ZNF804B: variants seen among roughly 807,000 people sequenced by gnomAD.
The protein encoded by ZNF804B is zinc finger 804B.
In ZNF804B, 80 loss-of-function variants were observed where a neutral mutation model predicts 101.4. The ratio of observed to expected loss-of-function variants is 0.79; its 90% confidence interval spans 0.66 to 0.95. ZNF804B has a LOEUF of 0.95. Ranked by LOEUF, ZNF804B falls within the 40% of genes least tolerant of loss-of-function variation. ZNF804B has a pLI of 0.00. For synonymous variants in ZNF804B, 622 were observed against 558.8 expected (o/e 1.11, Z -1.59); for missense variants, 1,673 against 1,561.9 (o/e 1.07, Z -1.20).
chr7:88,994,735 C>T lies in ZNF804B; in HGVS notation c.109-223420C>T, dbSNP rs1486580629. Among the ~76,000 whole-genome samples the T allele has an allele frequency of 2.6e-5, 4 of 152,026 alleles. No homozygotes were observed. In the East Asian group the frequency reaches 7.7e-4, roughly 29 times the overall value. On this transcript the variant is annotated intron_variant, in intron 1 of 3. Coordinates refer to ENST00000333190, the MANE Select transcript of ZNF804B (RefSeq NM_181646.5). ...TCATAGATTTGATGCTACAGTTTCT[C>T]AACAACATACATTAAATTGGAGTTT...
chr7:88,977,508 C>A (rs1471418227), intron 1 of ZNF804B, among the ~76,000 whole-genome samples: 3 of 151,674 alleles, frequency 2.0e-5, no homozygotes, highest in African/African-American at 4.8e-5. Context: ...TCCATTTCTT[C>A]TAGCTTACTC....
chr7:89,135,081 T>C (rs1790610332), intron 1 of ZNF804B, among the ~76,000 whole-genome samples: 1 of 152,112 alleles, frequency 6.6e-6, no homozygotes, highest in Non-Finnish European at 1.5e-5. Context: ...AAAATATTCG[T>C]TGTATTTGGT....
intron 1 of ZNF804B, among the ~76,000 whole-genome samples, chr7:89,009,525 GTCC>G (rs1788421418): frequency 6.6e-6 from 1 of 152,124 alleles, no homozygotes; most frequent in Non-Finnish European, 1.5e-5. Flanking sequence ...ATGTTTATGT[GTCC>G]CCTCAAGTTC....
At chr7:89,191,830 A>C (rs1421197688) in intron 1 of ZNF804B, among the ~76,000 whole-genome samples, 1 of 152,146 alleles carries the variant, frequency 6.6e-6, no homozygotes, top group Non-Finnish European at 1.5e-5. Flanking sequence ...AAAGTGTGAT[A>C]GGTGGCAGAG....
At chr7:89,200,501 G>A (rs140144314) in intron 1 of ZNF804B, among the ~76,000 whole-genome samples, 2 of 152,074 alleles carry the variant, frequency 1.3e-5, no homozygotes, top group East Asian at 3.9e-4. Context: ...TTACCAAGGA[G>A]CACTGATGAT....
chr7:88,843,291 C>T (rs929154507), intron 1 of ZNF804B, among the ~76,000 whole-genome samples: 7 of 152,072 alleles, frequency 4.6e-5, no homozygotes, highest in Non-Finnish European at 1.0e-4. Flanking sequence ...TTAATATTCT[C>T]ATTTTATACA....
chr7:88,840,153 G>T (rs1791274567), intron 1 of ZNF804B, among the ~76,000 whole-genome samples: 1 of 152,100 alleles, frequency 6.6e-6, no homozygotes, highest in Admixed American at 6.6e-5. Flanking sequence ...CAAAGTTCTG[G>T]CACAGAGGCA....
intron 1 of ZNF804B, among the ~76,000 whole-genome samples, chr7:89,211,520 C>G (rs1283621785): frequency 3.9e-5 from 6 of 152,032 alleles, no homozygotes; most frequent in Admixed American, 2.6e-4. Context: ...AGTCCTTAAT[C>G]CATATTGAGT....
At chr7:89,312,026 T>A (rs1294495696) in intron 2 of ZNF804B, among the ~76,000 whole-genome samples, 1 of 152,146 alleles carries the variant, frequency 6.6e-6, no homozygotes, top group Non-Finnish European at 1.5e-5. Context: ...GAGCTACCCA[T>A]TTGCCATTTA....
chr7:89,207,225 A>G (rs1788727398), intron 1 of ZNF804B, among the ~76,000 whole-genome samples: 1 of 152,208 alleles, frequency 6.6e-6, no homozygotes, highest in Non-Finnish European at 1.5e-5. Flanking sequence ...TTAGTCTGCT[A>G]TCATGCTGCT....
chr7:89,088,190 T>A (rs1318127589), intron 1 of ZNF804B, among the ~76,000 whole-genome samples: 1 of 152,016 alleles, frequency 6.6e-6, no homozygotes, highest in Non-Finnish European at 1.5e-5. Context: ...TATAGTTTCA[T>A]GATTATTACT....
rs561479871 is a variant in ZNF804B, at chr7:89,135,113, C to T, written c.109-83042C>T. Among the ~76,000 whole-genome samples the T allele has an allele frequency of 2.2e-4, 34 of 152,148 alleles. 1 individual carries two copies. The South Asian group carries it at 5.6e-3, about 25-fold the overall frequency. On this transcript the variant is annotated intron_variant, in intron 1 of 3. Transcript: ENST00000333190. Reference sequence around the variant, plus strand: ...TGGTCATTAATGAACTGTTTCAAAGCGAATCAAGACCAAGCTCAAGCATCC... The same window carrying T: ...TGGTCATTAATGAACTGTTTCAAAGTGAATCAAGACCAAGCTCAAGCATCC...
chr7:89,175,257 G>T (rs1045920495), intron 1 of ZNF804B, among the ~76,000 whole-genome samples: 1 of 151,908 alleles, frequency 6.6e-6, no homozygotes, highest in Non-Finnish European at 1.5e-5. Context: ...TTTTTCATAT[G>T]ATGAGCAATA....
intron 2 of ZNF804B, among the ~76,000 whole-genome samples, chr7:89,316,967 A>C (rs906689074): frequency 1.3e-5 from 2 of 152,194 alleles, no homozygotes; most frequent in Non-Finnish European, 2.9e-5. Context: ...TCACTTAAAG[A>C]GGGGCCAGCA....
chr7:89,273,208 A>C (rs1009638371), intron 2 of ZNF804B, among the ~76,000 whole-genome samples: 1 of 152,154 alleles, frequency 6.6e-6, no homozygotes, highest in Non-Finnish European at 1.5e-5. Context: ...AATTAACTTC[A>C]AAAGACAGAC....
At chr7:89,312,925 A>C (rs1379459440) in intron 2 of ZNF804B, among the ~76,000 whole-genome samples, 2 of 152,180 alleles carry the variant, frequency 1.3e-5, no homozygotes, top group Admixed American at 6.6e-5. Flanking sequence ...AATAGAATTT[A>C]ATTATTTTAT....
chr7:88,816,755 A>G (rs1790885247), intron 1 of ZNF804B, among the ~76,000 whole-genome samples: 1 of 140,210 alleles, frequency 7.1e-6, no homozygotes. Context: ...GAGGATGTGG[A>G]GAAATAGGAA....
chr7:88,894,748 C>T (rs1299457043), intron 1 of ZNF804B, among the ~76,000 whole-genome samples: 2 of 151,888 alleles, frequency 1.3e-5, no homozygotes, highest in African/African-American at 4.8e-5. Flanking sequence ...GGAAGGAAGC[C>T]AGTCTAAATA....
intron 1 of ZNF804B, among the ~76,000 whole-genome samples, chr7:88,978,555 T>G (rs75824827): frequency 0.023 from 3,447 of 151,850 alleles, 135 homozygotes; most frequent in African/African-American, 0.079. Flanking sequence ...CATTGCCATG[T>G]AATATCTTTT....
Sources: gnomAD v4.1 joint callset for allele counts (sites outside exome capture counted in the v4.1 genomes callset) on GRCh38, gnomAD v4.1.1 for gene constraint, MANE v1.5 for transcripts, NCBI Gene and HGNC (gene_info 2026-07-23, HGNC 2026-07-21) for gene names.